LYG2: variants seen among roughly 807,000 people sequenced by gnomAD.
LYG2 encodes lysozyme g-like protein 2.
A neutral mutation model predicts 22.4 loss-of-function variants in LYG2; 25 were observed. That is an observed-to-expected ratio of 1.12 (90% CI 0.81 to 1.56). The LOEUF (loss-of-function observed/expected upper bound fraction) is 1.56. Among genes scored for constraint, LYG2 ranks in the 40% most tolerant of loss-of-function variants. LYG2 has a pLI of 0.00. For missense variants in LYG2, 266 were observed against 269.5 expected (o/e 0.99, Z 0.09); for synonymous variants, 88 against 97.0 (o/e 0.91, Z 0.55).
At chr2:99,252,359 T>C (rs899130827) in intron 3 of LYG2, among the ~76,000 whole-genome samples, 1 of 150,912 alleles carries the variant, frequency 6.6e-6, no homozygotes, top group African/African-American at 2.4e-5. Flanking sequence ...AGCCCAAAAA[T>C]TTTTACAGGT....
In LYG2 at chr2:99,242,407, T is replaced by C; in HGVS notation, c.596A>G (p.Asp199Gly). Reference sequence around the variant, plus strand: ...ATAGAACTTAGCTCGAGCAATGATATCATTGACGAAGTCATTGTCTATGTC... The same window carrying C: ...ATAGAACTTAGCTCGAGCAATGATACCATTGACGAAGTCATTGTCTATGTC... ...PSDIDNDFVN[D>G]IIARAKFYKR... The change falls in exon 7 of 7, where the codon GAT becomes GGT. Residue 199 changes from aspartate to glycine, a missense_variant. Asp to Gly is a moderately conservative substitution (Grantham distance 94). Transcript: ENST00000333017. 1.9e-6 allele frequency: 3 copies of C among 1,613,844 alleles called. No homozygotes were observed. The highest frequency in any genetic ancestry group is 2.7e-5 in the African/African-American group (2 of 75,056).
intron 3 of LYG2, among the ~76,000 whole-genome samples, chr2:99,253,611 C>T (rs913814956): frequency 6.6e-6 from 1 of 152,118 alleles, no homozygotes; most frequent in African/African-American, 2.4e-5. Context: ...CAGCCTTCCC[C>T]CCAGAAACCC....
rs550051165 is a variant in LYG2 at position 99,242,281 on chromosome 2, G to A, written c.*83C>T. 11 of 636,578 alleles carry A rather than the reference G, an allele frequency of 1.7e-5. No individual in the cohort carries two copies. In the South Asian group the frequency reaches 1.9e-4, roughly 11 times the overall value. 39.4% of individuals were successfully genotyped at this position (636,578 alleles called of 1,614,324 possible). ...TGATTTTAATCATTTCTTTGCCAGT[G>A]TTGTATACAACACATTCACGTAAAA... is the stretch of plus-strand genomic sequence containing the variant. On this transcript the variant is annotated 3_prime_UTR_variant, in exon 7 of 7. Coordinates refer to ENST00000333017, the MANE Select transcript of LYG2 (RefSeq NM_175735.4).
upstream of LYG2, among the ~76,000 whole-genome samples, chr2:99,257,806 G>A (rs1298712325): frequency 6.6e-6 from 1 of 152,118 alleles, no homozygotes; most frequent in South Asian, 2.1e-4. Context: ...CATCCCTAAC[G>A]ACTAAATGGC....
chr2:99,261,503 CCT>C, the LYG2 span, among the ~76,000 whole-genome samples: 1 of 152,152 alleles, frequency 6.6e-6, no homozygotes, highest in Non-Finnish European at 1.5e-5. Context: ...ACTGGAATCC[CCT>C]GTGGACCTCT....
rs766190972 is a variant in LYG2, at chr2:99,246,723, C to T, written c.141G>A (p.Lys47=). ...HGCYGDIMTM[K]TSGATCDANS... is the part of the protein sequence containing the mutation. ...TTGCATCACAAGTGGCCCCAGAGGT[C>T]TTCATGGTCATGATGTCCCCATAGC... Residue 47 remains lysine (K), a synonymous_variant, in exon 4 of 7, where the codon AAG becomes AAA. Coordinates refer to ENST00000333017, the MANE Select transcript of LYG2 (RefSeq NM_175735.4). The T allele has an allele frequency of 1.9e-5, 31 of 1,614,160 alleles. No homozygotes were observed. In the South Asian group the frequency reaches 3.1e-4, roughly 16 times the overall value.
rs148661562 is a variant in LYG2, at chr2:99,245,165, T to C, written c.381+97A>G. ...ACCTGTAGCCAGATGCCAGGGTATTTTGGGGCTTGGAAGCACTGCAAATGG... is the reference window on the plus strand; with the variant it reads ...ACCTGTAGCCAGATGCCAGGGTATTCTGGGGCTTGGAAGCACTGCAAATGG... On this transcript the variant is annotated intron_variant, in intron 5 of 6. Coordinates refer to ENST00000333017, the MANE Select transcript of LYG2 (RefSeq NM_175735.4). 825 of 1,359,506 alleles carry C rather than the reference T, an allele frequency of 6.1e-4. 5 individuals carry two copies. In the African/African-American group the frequency reaches 0.011, roughly 19 times the overall value. The allele number at this position is 1,359,506 out of a possible 1,614,324, so 84.2% of individuals were successfully genotyped here.
intron 2 of LYG2, 65 bp from the exon 3 acceptor site, chr2:99,254,350 G>T: frequency 7.5e-7 from 1 of 1,335,722 alleles, no homozygotes; most frequent in Non-Finnish European, 1.1e-6. Context: ...AGAAAAATTT[G>T]CTTTGATATT....
intron 3 of LYG2, among the ~76,000 whole-genome samples, chr2:99,250,899 A>G (rs1208585148): frequency 7.2e-5 from 11 of 152,252 alleles, no homozygotes; most frequent in African/African-American, 2.2e-4. Context: ...GTGGAGCACT[A>G]TGCAGCTGCA....
At chr2:99,259,306 A>G (rs2094043027), upstream of LYG2, among the ~76,000 whole-genome samples, 2 of 152,186 alleles carry the variant, frequency 1.3e-5, no homozygotes, top group African/African-American at 4.8e-5. Flanking sequence ...GAATTTTTAC[A>G]GTGCTTTATT....
chr2:99,249,297 G>A (rs188013938), intron 3 of LYG2, among the ~76,000 whole-genome samples: 1 of 152,110 alleles, frequency 6.6e-6, no homozygotes, highest in Non-Finnish European at 1.5e-5. Flanking sequence ...GCACATGCCT[G>A]TAGTCCCAGT....
At chr2:99,248,216 G>T (rs1000983730) in intron 3 of LYG2, among the ~76,000 whole-genome samples, 3 of 152,146 alleles carry the variant, frequency 2.0e-5, no homozygotes, top group African/African-American at 7.2e-5. Context: ...ATTTGACCCT[G>T]CCATCCCATT....
upstream of LYG2, among the ~76,000 whole-genome samples, chr2:99,259,249 A>C (rs1306319776): frequency 6.6e-6 from 1 of 152,132 alleles, no homozygotes; most frequent in Admixed American, 6.5e-5. Flanking sequence ...GACTTGTATG[A>C]GAATCTTCAC....
chr2:99,252,655 A>C (rs1274947919), intron 3 of LYG2, among the ~76,000 whole-genome samples: 1 of 152,212 alleles, frequency 6.6e-6, no homozygotes, highest in African/African-American at 2.4e-5. Context: ...TTATATTGAC[A>C]GGTTCAGTAT....
chr2:99,250,478 C>T (rs1193735777), intron 3 of LYG2, among the ~76,000 whole-genome samples: 2 of 151,638 alleles, frequency 1.3e-5, no homozygotes, highest in Non-Finnish European at 2.9e-5. Flanking sequence ...GGGTTCATGC[C>T]ATTCTCCTGC....
chr2:99,246,728 T>TG lies in LYG2; in HGVS notation c.135dup (p.Met46HisfsTer9). The stretch of plus-strand genomic sequence containing the variant: ...TCACAAGTGGCCCCAGAGGTCTTCA[T>TG]GGTCATGATGTCCCCATAGCAGCCG... On this transcript the variant is annotated frameshift_variant, in exon 4 of 7. Transcript: ENST00000333017. LOFTEE classifies it high-confidence loss of function. 6.2e-7 allele frequency: 1 copy of TG among 1,614,194 alleles called. No homozygotes were observed. Among genetic ancestry groups the TG allele is most frequent in the South Asian group, 1.1e-5 (1 of 91,088 alleles).
At chr2:99,243,439 AAGTTGTTGAC>A (rs1463787076) in intron 6 of LYG2, 1 of 1,550,112 alleles carries the variant, frequency 6.5e-7, no homozygotes, top group Admixed American at 2.0e-5. Context: ...ACAATTTGGA[AAGTTGTTGAC>A]AGTTTCTTAT....
At chr2:99,253,607 TC>T (rs1231934932) in intron 3 of LYG2, among the ~76,000 whole-genome samples, 4 of 151,944 alleles carry the variant, frequency 2.6e-5, no homozygotes, top group Non-Finnish European at 5.9e-5. Context: ...TTTCCAGCCT[TC>T]CCCCCAGAAA....
intron 6 of LYG2, chr2:99,243,264 T>C (rs1439779356): frequency 1.6e-6 from 1 of 636,720 alleles, no homozygotes; most frequent in Admixed American, 3.1e-5. Context: ...CTCCAAGACA[T>C]GTAAAATGCA....
Sources: gnomAD v4.1 joint callset for allele counts (sites outside exome capture counted in the v4.1 genomes callset) on GRCh38, gnomAD v4.1.1 for gene constraint, MANE v1.5 for transcripts, NCBI Gene and HGNC (gene_info 2026-07-23, HGNC 2026-07-21) for gene names.